The following PACRG variants were observed in gnomAD, a reference collection of about 807,000 sequenced individuals.
PACRG encodes parkin coregulated.
Under a neutral mutation model 29.7 loss-of-function variants are expected in PACRG, and 29 were observed. That is an observed-to-expected ratio of 0.98 (90% CI 0.73 to 1.33). The LOEUF (loss-of-function observed/expected upper bound fraction) is 1.33. Among genes scored for constraint, PACRG ranks in the 40% most tolerant of loss-of-function variants. The pLI is 0.00. For synonymous variants in PACRG, 116 were observed against 118.7 expected (o/e 0.98, Z 0.15); for missense variants, 279 against 316.2 (o/e 0.88, Z 0.89).
intron 4 of PACRG, among the ~76,000 whole-genome samples, chr6:163,283,284 G>A (rs545552972): frequency 7.9e-5 from 12 of 152,278 alleles, no homozygotes; most frequent in African/African-American, 2.6e-4. Context: ...CAACATTCCT[G>A]ATGATTTCCA....
intron 4 of PACRG, among the ~76,000 whole-genome samples, chr6:163,097,616 G>C (rs947773617): frequency 1.3e-5 from 2 of 152,198 alleles, no homozygotes; most frequent in African/African-American, 4.8e-5. Flanking sequence ...GGAGACATAA[G>C]ACATCAATCG....
At chr6:163,182,035 G>T (rs1004507960) in intron 4 of PACRG, among the ~76,000 whole-genome samples, 5 of 152,160 alleles carry the variant, frequency 3.3e-5, no homozygotes, top group Admixed American at 2.6e-4. Context: ...AGGGTGTAAG[G>T]ATTCTTAGTC....
intron 4 of PACRG, among the ~76,000 whole-genome samples, chr6:163,225,323 A>T (rs1454678845): frequency 2.6e-5 from 4 of 152,180 alleles, no homozygotes; most frequent in African/African-American, 9.7e-5. Flanking sequence ...ACCCTCATGC[A>T]GTTCTCATGA....
chr6:162,947,614 A>ATATATATATATATATATATAAT (rs1799291320), intron 2 of PACRG, among the ~76,000 whole-genome samples: 1 of 15,054 alleles, frequency 6.6e-5, no homozygotes, highest in Admixed American at 6.8e-4. Context: ...ATATAATCAT[A>ATATATATATATATATATATAAT]TATATATATA....
At chr6:162,958,732 A>ATGTGTG (rs1209481478) in intron 2 of PACRG, among the ~76,000 whole-genome samples, 1 of 83,668 alleles carries the variant, frequency 1.2e-5, no homozygotes, top group South Asian at 5.2e-4. Flanking sequence ...GGGTACACAT[A>ATGTGTG]TGCGTGTGTG....
rs992858348 is a variant in PACRG at position 162,980,186 on chromosome 6, ACACG to A, written c.292-81960_292-81957del. On this transcript the variant is annotated intron_variant, in intron 2 of 4. Coordinates refer to ENST00000366888, the MANE Select transcript of PACRG (RefSeq NM_001080379.2). Reference sequence around the variant, plus strand: ...AACACACACATACACACACACACACACACGCACACACACACATTTTCAGTGTAAT... The same window carrying A: ...AACACACACATACACACACACACACACACACACACACATTTTCAGTGTAAT... Among the ~76,000 whole-genome samples the A allele has an allele frequency of 1.0e-4, 15 of 143,536 alleles. No individual in the cohort carries two copies. In the East Asian group the frequency reaches 2.0e-3, roughly 19 times the overall value. The allele number at this position is 143,536 out of a possible 152,430, so 94.2% of individuals were successfully genotyped here. A position where few individuals can be genotyped will look rare whatever the true frequency, so the allele number is the denominator to read the frequency against.
At chr6:163,248,960 G>A (rs1050779997) in intron 4 of PACRG, among the ~76,000 whole-genome samples, 1 of 149,062 alleles carries the variant, frequency 6.7e-6, no homozygotes, top group Admixed American at 6.7e-5. Context: ...AACTTGGAGT[G>A]AGCCGAGATC....
At chr6:163,248,984 C>G (rs10945885) in intron 4 of PACRG, among the ~76,000 whole-genome samples, 27,487 of 147,360 alleles carry the variant, frequency 0.19, 2,678 homozygotes, top group African/African-American at 0.25. Context: ...CCACTGCACT[C>G]CAGCCTGGGC....
At chr6:162,766,640 T>C (rs1782813779) in intron 1 of PACRG, among the ~76,000 whole-genome samples, 2 of 152,192 alleles carry the variant, frequency 1.3e-5, no homozygotes, top group Non-Finnish European at 2.9e-5. Flanking sequence ...TTCTTGAATC[T>C]CCATAATGTT....
At chr6:162,727,756 G>T, upstream of PACRG, 1 of 1,393,404 alleles carries the variant, frequency 7.2e-7, no homozygotes, top group South Asian at 1.2e-5. Context: ...GGCTCTCCTG[G>T]GTTAAATCCT....
intron 2 of PACRG, among the ~76,000 whole-genome samples, chr6:162,983,307 C>T (rs1345550890): frequency 6.6e-6 from 1 of 151,902 alleles, no homozygotes; most frequent in Admixed American, 6.6e-5. Flanking sequence ...TTTACATTCA[C>T]TGTTAATATT....
intron 2 of PACRG, among the ~76,000 whole-genome samples, chr6:162,927,180 A>G (rs1797505867): frequency 6.6e-6 from 1 of 152,136 alleles, no homozygotes; most frequent in Non-Finnish European, 1.5e-5. Context: ...GTGGAGAAAT[A>G]GAAACACTTT....
chr6:162,967,497 A>G (rs1177503767), intron 2 of PACRG, among the ~76,000 whole-genome samples: 1 of 151,576 alleles, frequency 6.6e-6, no homozygotes, highest in Admixed American at 6.6e-5. Context: ...GTAGAACATT[A>G]TTGAACTTTC....
intron 2 of PACRG, among the ~76,000 whole-genome samples, chr6:162,949,450 G>T (rs1799488038): frequency 6.6e-6 from 1 of 152,106 alleles, no homozygotes; most frequent in Non-Finnish European, 1.5e-5. Flanking sequence ...GCAGAGTAGG[G>T]TGACTATAGT....
chr6:163,012,829 C>A (rs1378643620), intron 2 of PACRG, among the ~76,000 whole-genome samples: 1 of 152,208 alleles, frequency 6.6e-6, no homozygotes, highest in Non-Finnish European at 1.5e-5. Context: ...TTTGAACGCA[C>A]AACACACTAC....
chr6:163,289,738 CGGGAG>C lies in PACRG; in HGVS notation c.614-25088_614-25084del, dbSNP rs534202669. On this transcript the variant is annotated intron_variant, in intron 4 of 4. Coordinates refer to ENST00000366888, the MANE Select transcript of PACRG (RefSeq NM_001080379.2). Reference sequence around the variant, plus strand: ...GCTTTACCTATGAGGAAATGAAGACCGGGAGTGGGGACAGGGGGAGCTGGTGCCAG... The same window carrying C: ...GCTTTACCTATGAGGAAATGAAGACCTGGGGACAGGGGGAGCTGGTGCCAG... Among the ~76,000 whole-genome samples, 656 of 152,210 alleles carry C rather than the reference CGGGAG, an allele frequency of 4.3e-3. 5 individuals are homozygous for C. The highest frequency in any genetic ancestry group is 0.014 in the African/African-American group (588 of 41,532).
At chr6:163,081,452 A>G (rs1450044335) in intron 3 of PACRG, among the ~76,000 whole-genome samples, 1 of 152,184 alleles carries the variant, frequency 6.6e-6, no homozygotes, top group South Asian at 2.1e-4. Flanking sequence ...TAATGCCACT[A>G]AATTGTATAC....
At chr6:162,935,650 T>C (rs1798182858) in intron 2 of PACRG, among the ~76,000 whole-genome samples, 2 of 152,120 alleles carry the variant, frequency 1.3e-5, no homozygotes, top group African/African-American at 4.8e-5. Context: ...CTTAAGATCA[T>C]TATTTTGGAT....
At chr6:163,312,630 C>CA (rs11400797) in intron 4 of PACRG, 4,521 of 260,940 alleles carry the variant, frequency 0.017, 236 homozygotes, top group African/African-American at 0.1. Flanking sequence ...CGGTGGACTT[C>CA]AAATGCATAT....
Sources: allele counts gnomAD v4.1 joint callset (sites outside exome capture counted in the v4.1 genomes callset), GRCh38; gene constraint gnomAD v4.1.1; transcripts MANE v1.5; gene names NCBI Gene and HGNC (gene_info 2026-07-23, HGNC 2026-07-21).